The following ANKS1B variants were observed in gnomAD, a reference collection of about 807,000 sequenced individuals.
The protein encoded by ANKS1B is ankyrin repeat and sterile alpha motif domain-containing protein 1B.
A neutral mutation model predicts 148.3 loss-of-function variants in ANKS1B; 36 were observed. That is an observed-to-expected ratio of 0.24 (90% CI 0.19 to 0.32). The LOEUF (loss-of-function observed/expected upper bound fraction) is 0.32. ANKS1B is among the 10% of genes least tolerant of loss of function. The pLI, the probability that ANKS1B is intolerant of heterozygous loss-of-function variation, is 1.00. For synonymous variants in ANKS1B, 542 were observed against 560.8 expected (o/e 0.97, Z 0.47); for missense variants, 1,157 against 1,542.6 (o/e 0.75, Z 4.19).
intron 14 of ANKS1B, among the ~76,000 whole-genome samples, chr12:99,213,323 C>A (rs901845894): frequency 6.6e-6 from 1 of 152,334 alleles, no homozygotes; most frequent in Middle Eastern, 3.4e-3. Context: ...TCAGCACAAA[C>A]TGCTTTATTT....
intron 12 of ANKS1B, among the ~76,000 whole-genome samples, chr12:99,259,139 A>T (rs183891408): frequency 6.6e-6 from 1 of 152,190 alleles, no homozygotes; most frequent in African/African-American, 2.4e-5. Flanking sequence ...GGATTACCCT[A>T]GAACCTCCTA....
chr12:99,749,492 C>T (rs780657736), intron 8 of ANKS1B, among the ~76,000 whole-genome samples: 1 of 152,046 alleles, frequency 6.6e-6, no homozygotes, highest in Non-Finnish European at 1.5e-5. Flanking sequence ...CATTTATATG[C>T]GCTAACACAT....
rs2098981601 is a variant in ANKS1B, at chr12:98,799,514, C to T, written c.3271-509G>A. Among the ~76,000 whole-genome samples the T allele has an allele frequency of 4.1e-5, 4 of 98,708 alleles. No homozygotes were observed. In the South Asian group the frequency reaches 1.3e-3, roughly 32 times the overall value. The allele number at this position is 98,708 out of a possible 152,430, so 64.8% of individuals were successfully genotyped here. A position where few individuals can be genotyped will look rare whatever the true frequency, so the allele number is the denominator to read the frequency against. Reference sequence around the variant, plus strand: ...GCTGTGTGCCCTATGGTTGATCCACCTGAGAACGGGATGGGAGGGTGGGGG... The same window carrying T: ...GCTGTGTGCCCTATGGTTGATCCACTTGAGAACGGGATGGGAGGGTGGGGG... On this transcript the variant is annotated intron_variant, in intron 21 of 26. Transcript: ENST00000683438.
intron 22 of ANKS1B, among the ~76,000 whole-genome samples, chr12:98,790,379 G>A (rs149890159): frequency 1.4e-3 from 209 of 152,276 alleles, no homozygotes; most frequent in African/African-American, 4.7e-3. Context: ...ATCTGTAAAC[G>A]GGTATGTTAA....
At chr12:98,759,635 C>T (rs2098352443) in intron 25 of ANKS1B, among the ~76,000 whole-genome samples, 1 of 152,124 alleles carries the variant, frequency 6.6e-6, no homozygotes, top group Non-Finnish European at 1.5e-5. Context: ...ATCTCTTAGG[C>T]ACAAGGGTTC....
chr12:99,045,193 A>G (rs1398766366), intron 17 of ANKS1B, among the ~76,000 whole-genome samples: 1 of 152,212 alleles, frequency 6.6e-6, no homozygotes. Context: ...ATGGGTTATA[A>G]TTACAAAAAT....
At chr12:99,081,934 G>T (rs2049927098) in intron 16 of ANKS1B, among the ~76,000 whole-genome samples, 1 of 152,122 alleles carries the variant, frequency 6.6e-6, no homozygotes, top group Non-Finnish European at 1.5e-5. Context: ...TAAGCATCAT[G>T]GGAAATTCAA....
chr12:99,335,956 C>T (rs199904753), intron 12 of ANKS1B, among the ~76,000 whole-genome samples: 16 of 152,094 alleles, frequency 1.1e-4, no homozygotes, highest in Admixed American at 8.5e-4. Context: ...TCCATAGTGG[C>T]TCCACCAACT....
chr12:99,506,657 G>A (rs7313735), intron 9 of ANKS1B, among the ~76,000 whole-genome samples: 64,271 of 151,708 alleles, frequency 0.42, 13,873 homozygotes, highest in African/African-American at 0.52. Context: ...GAGAAAAGTT[G>A]ATGTGGTAGA....
At chr12:99,866,952 GA>G (rs2090836575) in intron 1 of ANKS1B, among the ~76,000 whole-genome samples, 1 of 152,118 alleles carries the variant, frequency 6.6e-6, no homozygotes, top group Admixed American at 6.5e-5. Flanking sequence ...CAGGGAAAAA[GA>G]TAGCAACTGT....
intron 14 of ANKS1B, among the ~76,000 whole-genome samples, chr12:99,220,339 T>G (rs1048100599): frequency 7.6e-4 from 115 of 151,946 alleles, no homozygotes; most frequent in African/African-American, 2.6e-3. Flanking sequence ...CATGTGATGT[T>G]GACACATGAG....
At chr12:99,200,336 C>T (rs748386424) in intron 14 of ANKS1B, among the ~76,000 whole-genome samples, 6 of 152,192 alleles carry the variant, frequency 3.9e-5, no homozygotes, top group South Asian at 2.1e-4. Context: ...CTGCTACCAT[C>T]GTTTACAGGT....
At chr12:99,887,757 TC>T (rs2092904163) in intron 1 of ANKS1B, among the ~76,000 whole-genome samples, 1 of 152,350 alleles carries the variant, frequency 6.6e-6, no homozygotes, top group East Asian at 1.9e-4. Context: ...GATGTTAATT[TC>T]TCTTTTCCTC....
At chr12:99,438,605 G>A (rs1268111902) in intron 11 of ANKS1B, among the ~76,000 whole-genome samples, 2 of 151,814 alleles carry the variant, frequency 1.3e-5, no homozygotes, top group Non-Finnish European at 2.9e-5. Flanking sequence ...TCTATCTACT[G>A]CTAATTCTTT....
chr12:99,132,384 T>A (rs1352189965), intron 15 of ANKS1B, among the ~76,000 whole-genome samples: 1 of 151,878 alleles, frequency 6.6e-6, no homozygotes, highest in Non-Finnish European at 1.5e-5. Flanking sequence ...CTCACACCTG[T>A]AATCCCAGAA....
Position 98,943,014 on chromosome 12 carries a change from A to C in ANKS1B, c.2778+110143T>G, listed in dbSNP as rs2099839504. ...AAAATAGACAAGATTTCATATACTC[A>C]GGCAAAAAGAGATAGAAATAAGAAT... is the stretch of plus-strand genomic sequence containing the variant. On this transcript the variant is annotated intron_variant, in intron 17 of 26. Coordinates refer to ENST00000683438, the MANE Select transcript of ANKS1B (RefSeq NM_001352186.2). Among the ~76,000 whole-genome samples the C allele has an allele frequency of 2.6e-5, 4 of 152,236 alleles. No homozygotes were observed. The South Asian group carries it at 8.3e-4, about 31-fold the overall frequency.
At chr12:99,887,021 T>C (rs1019398986) in intron 1 of ANKS1B, among the ~76,000 whole-genome samples, 3 of 152,216 alleles carry the variant, frequency 2.0e-5, no homozygotes, top group Non-Finnish European at 4.4e-5. Context: ...CCCAGAAAGC[T>C]ATCTTGTATC....
intron 1 of ANKS1B, among the ~76,000 whole-genome samples, chr12:99,947,140 T>C (rs1226769537): frequency 2.0e-5 from 3 of 152,034 alleles, no homozygotes; most frequent in Non-Finnish European, 4.4e-5. Context: ...TGTTTTCTTA[T>C]TTACCTTTTC....
intron 1 of ANKS1B, among the ~76,000 whole-genome samples, chr12:99,904,474 G>A (rs2093711874): frequency 6.6e-6 from 1 of 152,148 alleles, no homozygotes; most frequent in Non-Finnish European, 1.5e-5. Context: ...TTACAGACAT[G>A]AGCCACTGTG....
Sources: allele counts gnomAD v4.1 joint callset (sites outside exome capture counted in the v4.1 genomes callset), GRCh38; gene constraint gnomAD v4.1.1; transcripts MANE v1.5; gene names NCBI Gene and HGNC (gene_info 2026-07-23, HGNC 2026-07-21).